Variants in ARMH4 observed in about 807,000 individuals in gnomAD.
The protein encoded by ARMH4 is armadillo like helical domain containing 4.
A neutral mutation model predicts 61.9 loss-of-function variants in ARMH4; 49 were observed. That is an observed-to-expected ratio of 0.79 (90% CI 0.63 to 1.00). ARMH4 has a LOEUF of 1.00. ARMH4 is among the 50% of genes least tolerant of loss of function. The pLI is 0.00. For missense variants in ARMH4, 934 were observed against 930.0 expected (o/e 1.00, Z -0.06); for synonymous variants, 368 against 341.5 (o/e 1.08, Z -0.85).
intron 4 of ARMH4, among the ~76,000 whole-genome samples, chr14:58,113,969 A>G (rs1396508188): frequency 6.6e-6 from 1 of 151,804 alleles, no homozygotes; most frequent in Non-Finnish European, 1.5e-5. Context: ...TTTTATATCT[A>G]TGTCTGGATA....
chr14:58,142,094 T>A (rs1175824280), intron 1 of ARMH4, among the ~76,000 whole-genome samples: 3 of 152,188 alleles, frequency 2.0e-5, no homozygotes, highest in African/African-American at 7.2e-5. Flanking sequence ...GAGTAGGGCC[T>A]TTTCTTTTCC....
rs56379003 is a variant in ARMH4 at position 58,118,228 on chromosome 14, T to C, written c.1831+13284A>G. 5.3e-3 allele frequency among the ~76,000 whole-genome samples: 814 copies of C among 152,338 alleles called. 6 individuals carry two copies. The highest frequency in any genetic ancestry group is 0.051 in the Middle Eastern group (15 of 294). On this transcript the variant is annotated intron_variant, in intron 4 of 7. Transcript: ENST00000267485. ...TATAGAAAGTGACAGAATGATCTTT[T>C]TATCATATGGGTGTATTTCTTGTGT...
At chr14:58,026,338 GA>G (rs879745016) in intron 5 of ARMH4, among the ~76,000 whole-genome samples, 10 of 149,482 alleles carry the variant, frequency 6.7e-5, no homozygotes, top group African/African-American at 2.2e-4. Flanking sequence ...TCATGAAGCG[GA>G]AAAAAAAAAT....
At chr14:58,049,067 C>T (rs1884039814) in intron 5 of ARMH4, among the ~76,000 whole-genome samples, 1 of 151,900 alleles carries the variant, frequency 6.6e-6, no homozygotes, top group Non-Finnish European at 1.5e-5. Context: ...GAAACCCCAT[C>T]TCTATTAAAA....
At chr14:58,086,953 T>C (rs1263879645) in intron 5 of ARMH4, among the ~76,000 whole-genome samples, 2 of 152,072 alleles carry the variant, frequency 1.3e-5, no homozygotes, top group Non-Finnish European at 2.9e-5. Flanking sequence ...GTTCTGGTGA[T>C]AGAGGTCTCA....
At chr14:58,041,656 G>A (rs1017246589) in intron 5 of ARMH4, among the ~76,000 whole-genome samples, 4 of 152,100 alleles carry the variant, frequency 2.6e-5, no homozygotes, top group Non-Finnish European at 5.9e-5. Flanking sequence ...TGGCAAATTG[G>A]ATAAAGAGTC....
intron 5 of ARMH4, among the ~76,000 whole-genome samples, chr14:58,044,245 C>T (rs1319544851): frequency 2.8e-4 from 43 of 152,234 alleles, no homozygotes; most frequent in East Asian, 3.9e-4. Context: ...CAAAGCAGCA[C>T]GGTACTGGTA....
At position 58,138,804 on chromosome 14, in the gene ARMH4, C is replaced by T; in HGVS notation, c.555G>A (p.Lys185=). 2 of 1,614,244 alleles carry T rather than the reference C, an allele frequency of 1.2e-6. No homozygotes were observed. The highest frequency in any genetic ancestry group is 2.2e-5 in the South Asian group (2 of 91,092). Residue 185 remains lysine, a synonymous_variant, in exon 2 of 8, where the codon AAG becomes AAA. Transcript: ENST00000267485. The part of the protein sequence containing the change: ...EITETTKGFL[K]YMDNQSFATE... The stretch of plus-strand genomic sequence containing the variant: ...TTGCAAATGATTGATTATCCATATA[C>T]TTCAGAAAACCTTTTGTGGTTTCTG...
At chr14:58,051,481 T>G (rs377202925) in intron 5 of ARMH4, among the ~76,000 whole-genome samples, 1 of 152,194 alleles carries the variant, frequency 6.6e-6, no homozygotes. Context: ...GTTCAACTGA[T>G]GGAACTGTCA....
intron 5 of ARMH4, among the ~76,000 whole-genome samples, chr14:58,043,376 C>A (rs1046858731): frequency 3.9e-5 from 6 of 152,064 alleles, no homozygotes; most frequent in Non-Finnish European, 8.8e-5. Flanking sequence ...TCAATAGATG[C>A]AGAAAAGGCC....
intron 5 of ARMH4, among the ~76,000 whole-genome samples, chr14:58,068,603 A>C (rs1884780623): frequency 6.6e-6 from 1 of 152,188 alleles, no homozygotes. Context: ...TACATTCAGC[A>C]AACTACACTT....
chr14:58,084,846 A>C (rs1052731142), intron 5 of ARMH4, among the ~76,000 whole-genome samples: 3 of 152,216 alleles, frequency 2.0e-5, no homozygotes, highest in Admixed American at 2.0e-4. Context: ...AGATTCTGTA[A>C]ATCATTCTGT....
intron 4 of ARMH4, chr14:58,116,487 C>A (rs1190828769): frequency 1.1e-5 from 3 of 272,644 alleles, no homozygotes; most frequent in Middle Eastern, 1.0e-3. Context: ...CGAGCCTGGG[C>A]AACATGGTGA....
intron 5 of ARMH4, among the ~76,000 whole-genome samples, chr14:58,040,753 C>T (rs1883665857): frequency 6.6e-6 from 1 of 152,142 alleles, no homozygotes; most frequent in Admixed American, 6.5e-5. Flanking sequence ...AAGATTTTGT[C>T]TGGTGCATTG....
intron 5 of ARMH4, among the ~76,000 whole-genome samples, chr14:58,042,468 A>G (rs1883762095): frequency 6.6e-6 from 1 of 152,182 alleles, no homozygotes; most frequent in Non-Finnish European, 1.5e-5. Flanking sequence ...AGGGAAATTT[A>G]TAGCACTAAA....
chr14:58,042,803 A>G (rs1883774427), intron 5 of ARMH4, among the ~76,000 whole-genome samples: 1 of 152,212 alleles, frequency 6.6e-6, no homozygotes, highest in African/African-American at 2.4e-5. Context: ...ACCATCAGAG[A>G]ATACAATAAA....
At chr14:58,148,257 G>A (rs1887809190) in intron 1 of ARMH4, among the ~76,000 whole-genome samples, 1 of 152,178 alleles carries the variant, frequency 6.6e-6, no homozygotes, top group Non-Finnish European at 1.5e-5. Context: ...ATGTTGGCCA[G>A]GCTGGTCTCG....
intron 1 of ARMH4, among the ~76,000 whole-genome samples, chr14:58,143,046 T>C (rs1398148764): frequency 2.6e-5 from 4 of 152,336 alleles, no homozygotes; most frequent in African/African-American, 7.2e-5. Context: ...CTGGCTGACA[T>C]CTTGACTACA....
chr14:58,101,916 TGGGTTGAA>T (rs1188624035), intron 4 of ARMH4, among the ~76,000 whole-genome samples: 4 of 151,576 alleles, frequency 2.6e-5, no homozygotes, highest in Non-Finnish European at 5.9e-5. Context: ...GGTAGGTAGG[TGGGTTGAA>T]GGAGGGATGG....
Sources: gnomAD v4.1 joint callset for allele counts (sites outside exome capture counted in the v4.1 genomes callset) on GRCh38, gnomAD v4.1.1 for gene constraint, MANE v1.5 for transcripts, NCBI Gene and HGNC (gene_info 2026-07-23, HGNC 2026-07-21) for gene names.